RABGEF1: variants seen among roughly 807,000 people sequenced by gnomAD.
The protein encoded by RABGEF1 is RAB guanine nucleotide exchange factor 1.
RABGEF1 carries 26 observed loss-of-function variants against 57.3 expected under a neutral mutation model. That is an observed-to-expected ratio of 0.45 (90% confidence interval 0.33 to 0.63). The LOEUF (loss-of-function observed/expected upper bound fraction) is 0.63. Among genes scored for constraint, RABGEF1 ranks in the 20% least tolerant of loss-of-function variants. The pLI is 0.02. For missense variants in RABGEF1, 464 were observed against 607.6 expected (o/e 0.76, Z 2.48); for synonymous variants, 185 against 210.7 (o/e 0.88, Z 1.06).
chr7:66,755,957 A>G, intron 1 of RABGEF1: 2 of 852,178 alleles, frequency 2.3e-6, no homozygotes, highest in East Asian at 2.8e-5. Flanking sequence ...TCTGACATTG[A>G]CATTCACATT....
chr7:66,797,524 T>G lies in RABGEF1; in HGVS notation c.728+18T>G. The G allele has an allele frequency of 6.2e-7, 1 of 1,603,416 alleles. No individual in the cohort carries two copies. The highest frequency in any genetic ancestry group is 8.5e-7 in the Non-Finnish European group (1 of 1,176,896). ...AGAATCAGGTAGTTGCTTATTTTGT[T>G]TTGCTTTGTAGTTACTACCTTCTAA... On this transcript the variant is annotated intron_variant, in intron 6 of 8. Coordinates refer to ENST00000284957, the MANE Select transcript of RABGEF1 (RefSeq NM_014504.3).
At chr7:66,709,258 C>T (rs942789752) in intron 1 of RABGEF1, among the ~76,000 whole-genome samples, 9 of 152,050 alleles carry the variant, frequency 5.9e-5, no homozygotes, top group Non-Finnish European at 1.0e-4. Context: ...ATCTGCCTTC[C>T]CAGAGTGCTG....
intron 2 of RABGEF1, among the ~76,000 whole-genome samples, chr7:66,729,270 C>T (rs1020030375): frequency 6.6e-6 from 1 of 151,434 alleles, no homozygotes; most frequent in Admixed American, 6.6e-5. Flanking sequence ...CCATTACCAC[C>T]ATCCTCGCCT....
chr7:66,685,788 C>T (rs1182535384), intron 1 of RABGEF1, among the ~76,000 whole-genome samples: 1 of 152,208 alleles, frequency 6.6e-6, no homozygotes, highest in Non-Finnish European at 1.5e-5. Flanking sequence ...CTATGTCAGT[C>T]TCTGGCTAGA....
the RABGEF1 span, among the ~76,000 whole-genome samples, chr7:66,662,724 T>C: frequency 6.6e-6 from 1 of 152,196 alleles, no homozygotes; most frequent in African/African-American, 2.4e-5. Flanking sequence ...TAGGCGTGTG[T>C]GTGCAGGTGT....
intron 2 of RABGEF1, among the ~76,000 whole-genome samples, chr7:66,723,157 C>T (rs531133902): frequency 3.3e-5 from 5 of 152,026 alleles, no homozygotes; most frequent in South Asian, 2.1e-4. Context: ...TTAGTAGAGA[C>T]GGGGTTTCAC....
At chr7:66,743,327 T>TAA (rs375657884) in intron 1 of RABGEF1, among the ~76,000 whole-genome samples, 12,022 of 136,550 alleles carry the variant, frequency 0.088, 668 homozygotes, top group Non-Finnish European at 0.11. Flanking sequence ...AGAAAAAAAT[T>TAA]TAAAAAAAAA....
At chr7:66,676,329 C>T in the RABGEF1 span, among the ~76,000 whole-genome samples, 16 of 152,146 alleles carry the variant, frequency 1.1e-4, no homozygotes, top group Admixed American at 8.5e-4. Context: ...AATCATCTGT[C>T]GGTATACACA....
chr7:66,682,881 G>A (rs12531690), intron 1 of RABGEF1, among the ~76,000 whole-genome samples: 5,568 of 152,248 alleles, frequency 0.037, 159 homozygotes, highest in East Asian at 0.085. Context: ...AGGAGAGCCG[G>A]GGGATGCCCA....
chr7:66,756,383 G>A (rs576221626), intron 1 of RABGEF1, among the ~76,000 whole-genome samples: 7 of 152,182 alleles, frequency 4.6e-5, no homozygotes, highest in Non-Finnish European at 8.8e-5. Context: ...GTATATGTCA[G>A]AATTTTAAAT....
At chr7:66,803,350 G>T (rs1429473865) in intron 7 of RABGEF1, among the ~76,000 whole-genome samples, 1 of 152,136 alleles carries the variant, frequency 6.6e-6, no homozygotes, top group Non-Finnish European at 1.5e-5. Flanking sequence ...ATACCCCACC[G>T]CCTGGCCAGA....
intron 1 of RABGEF1, among the ~76,000 whole-genome samples, chr7:66,697,716 G>A (rs2117207960): frequency 6.6e-6 from 1 of 152,292 alleles, no homozygotes; most frequent in South Asian, 2.1e-4. Flanking sequence ...TCCGGCCTCA[G>A]CGAGGTGGGG....
At chr7:66,663,194 A>G in the RABGEF1 span, among the ~76,000 whole-genome samples, 2 of 152,260 alleles carry the variant, frequency 1.3e-5, no homozygotes, top group Non-Finnish European at 2.9e-5. Context: ...CATAAGGGAT[A>G]CTTTTAGTTA....
intron 2 of RABGEF1, among the ~76,000 whole-genome samples, chr7:66,733,175 G>A (rs1797537542): frequency 6.6e-6 from 1 of 152,178 alleles, no homozygotes; most frequent in African/African-American, 2.4e-5. Flanking sequence ...CCGTTTGGCA[G>A]TGCCCCTGCA....
chr7:66,667,442 A>G, the RABGEF1 span: 1 of 152,296 alleles, frequency 6.6e-6, no homozygotes, highest in Non-Finnish European at 1.5e-5. Flanking sequence ...AGCCTGGGCC[A>G]TCTCCAGCCT....
intron 2 of RABGEF1, among the ~76,000 whole-genome samples, chr7:66,735,015 G>A (rs1797785756): frequency 1.3e-5 from 2 of 152,288 alleles, no homozygotes; most frequent in Middle Eastern, 3.4e-3. Context: ...GGAAGTTAAG[G>A]AAAATTTATG....
chr7:66,749,264 A>G (rs1417330231), intron 1 of RABGEF1, among the ~76,000 whole-genome samples: 1 of 152,152 alleles, frequency 6.6e-6, no homozygotes, highest in African/African-American at 2.4e-5. Context: ...AAATTTATCA[A>G]ATGCTAGCAG....
At chr7:66,743,907 A>G (rs1403989151) in intron 1 of RABGEF1, among the ~76,000 whole-genome samples, 1 of 152,184 alleles carries the variant, frequency 6.6e-6, no homozygotes, top group Non-Finnish European at 1.5e-5. Context: ...TTGGGATTAC[A>G]AACATGAGCC....
In RABGEF1 at chr7:66,788,666, T is replaced by C. The variant is rs142638327; in HGVS notation, c.513+4825T>C. On this transcript the variant is annotated intron_variant, in intron 4 of 8. Coordinates refer to ENST00000284957, the MANE Select transcript of RABGEF1 (RefSeq NM_014504.3). Reference sequence around the variant, plus strand: ...CCTTTTGCTTGTTTCATTGTTATTTTTCTAGCCAGTCCTATAAAAATCTGA... The same window carrying C: ...CCTTTTGCTTGTTTCATTGTTATTTCTCTAGCCAGTCCTATAAAAATCTGA... Among the ~76,000 whole-genome samples the C allele has an allele frequency of 5.3e-5, 8 of 152,272 alleles. No homozygotes were observed. In the East Asian group the frequency reaches 1.5e-3, roughly 29 times the overall value.
Sources: gnomAD v4.1 joint callset for allele counts (sites outside exome capture counted in the v4.1 genomes callset) on GRCh38, gnomAD v4.1.1 for gene constraint, MANE v1.5 for transcripts, NCBI Gene and HGNC (gene_info 2026-07-23, HGNC 2026-07-21) for gene names.